GUCA1C: variants seen among roughly 807,000 people sequenced by gnomAD.
GUCA1C encodes the protein guanylyl cyclase-activating protein 3.
GUCA1C carries 15 observed loss-of-function variants against 16.2 expected under a neutral mutation model. That is an observed-to-expected ratio of 0.93 (90% CI 0.62 to 1.43). The LOEUF (loss-of-function observed/expected upper bound fraction) is 1.43, where lower values mean the gene tolerates loss of function less well. Ranked by LOEUF, GUCA1C falls within the 40% of genes most tolerant of loss-of-function variation. GUCA1C has a pLI of 0.00. For missense variants in GUCA1C, 275 were observed against 244.8 expected (o/e 1.12, Z -0.82); for synonymous variants, 78 against 85.4 (o/e 0.91, Z 0.48).
upstream of GUCA1C, among the ~76,000 whole-genome samples, chr3:108,954,878 A>G (rs541714539): frequency 1.3e-5 from 2 of 151,772 alleles, no homozygotes; most frequent in Admixed American, 1.3e-4. Context: ...CTGGGACTAC[A>G]GGCGCCCGCC....
chr3:108,949,616 T>G (rs1946877042), intron 1 of GUCA1C, among the ~76,000 whole-genome samples: 1 of 152,196 alleles, frequency 6.6e-6, no homozygotes, highest in Admixed American at 6.5e-5. Context: ...TCTGAGGTGC[T>G]AAGGCCATAG....
chr3:108,948,999 C>T (rs187095600), intron 1 of GUCA1C, among the ~76,000 whole-genome samples: 1 of 152,206 alleles, frequency 6.6e-6, no homozygotes, highest in Non-Finnish European at 1.5e-5. Context: ...AGGTGCCCAC[C>T]ACCACGCCCG....
intron 1 of GUCA1C, among the ~76,000 whole-genome samples, chr3:108,926,072 G>C (rs1358782929): frequency 6.6e-6 from 1 of 151,540 alleles, no homozygotes; most frequent in Admixed American, 6.6e-5. Flanking sequence ...GGGTGACAGA[G>C]CAAGACTCCA....
chr3:108,932,717 T>C (rs1184381459), intron 1 of GUCA1C, among the ~76,000 whole-genome samples: 2 of 148,662 alleles, frequency 1.3e-5, no homozygotes, highest in Non-Finnish European at 1.5e-5. Flanking sequence ...AAGTTGGGAG[T>C]TCAAGACAAG....
intron 1 of GUCA1C, among the ~76,000 whole-genome samples, chr3:108,920,910 T>C (rs72933191): frequency 0.011 from 1,654 of 152,254 alleles, 27 homozygotes; most frequent in African/African-American, 0.037. Flanking sequence ...GAATGGTACA[T>C]TTGTTACAGT....
At chr3:108,917,380 G>A (rs1382976006) in intron 2 of GUCA1C, among the ~76,000 whole-genome samples, 1 of 152,148 alleles carries the variant, frequency 6.6e-6, no homozygotes, top group East Asian at 1.9e-4. Flanking sequence ...GAAAGTGGAG[G>A]AGCACTGAGG....
At chr3:108,939,206 G>A (rs1160366777) in intron 1 of GUCA1C, among the ~76,000 whole-genome samples, 5 of 151,638 alleles carry the variant, frequency 3.3e-5, no homozygotes, top group Non-Finnish European at 7.4e-5. Flanking sequence ...TCCCTTTTAA[G>A]AGCCTGGATC....
chr3:108,907,814 A>G lies in GUCA1C; in HGVS notation c.*208T>C. ...TCCTTTAGTGTAATCATTATGTTTT[A>G]ATCTGCAGAGACAGCACAGAAAAGC... On this transcript the variant is annotated 3_prime_UTR_variant, in exon 4 of 4. Transcript: ENST00000261047. 1 of 519,164 alleles carries G rather than the reference A, an allele frequency of 1.9e-6. No homozygotes were observed. Among genetic ancestry groups the G allele is most frequent in the Non-Finnish European group, 3.4e-6 (1 of 294,584 alleles). The allele number at this position is 519,164 out of a possible 1,614,324, so 32.2% of individuals were successfully genotyped here. A position where few individuals can be genotyped will look rare whatever the true frequency, so the allele number is the denominator to read the frequency against.
chr3:108,924,583 T>G (rs2107290092), intron 1 of GUCA1C, among the ~76,000 whole-genome samples: 1 of 152,142 alleles, frequency 6.6e-6, no homozygotes, highest in Middle Eastern at 3.4e-3. Flanking sequence ...TTCATCAGGG[T>G]TATTGGTCTG....
intron 1 of GUCA1C, among the ~76,000 whole-genome samples, chr3:108,933,547 T>G (rs746303327): frequency 1.3e-5 from 2 of 152,142 alleles, no homozygotes; most frequent in Non-Finnish European, 2.9e-5. Flanking sequence ...GACTTCAAAT[T>G]TAAGGTTTCT....
At chr3:108,949,067 C>T (rs1321328319) in intron 1 of GUCA1C, among the ~76,000 whole-genome samples, 6 of 152,108 alleles carry the variant, frequency 3.9e-5, no homozygotes, top group Non-Finnish European at 8.8e-5. Flanking sequence ...AGGCCGGTCT[C>T]GAACTCCTGA....
At chr3:108,929,012 AC>A (rs1946645046) in intron 1 of GUCA1C, among the ~76,000 whole-genome samples, 1 of 152,180 alleles carries the variant, frequency 6.6e-6, no homozygotes, top group Non-Finnish European at 1.5e-5. Context: ...CATTGAATCT[AC>A]AGATCAACTT....
Position 108,920,441 on chromosome 3 carries a change from A to G in GUCA1C, c.349T>C (p.Phe117Leu). 3 of 1,607,446 alleles carry G rather than the reference A, an allele frequency of 1.9e-6. No homozygotes were observed. The highest frequency in any genetic ancestry group is 2.6e-6 in the Non-Finnish European group (3 of 1,174,324). ...TACTTTACTACTTCACTTACCATGA[A>G]CATGTCCAGTAGTTCATTTTTGTCA... Reference protein sequence around the residue: ...SIDKNELLDMFMAVQALNGQQ... With the variant: ...SIDKNELLDMLMAVQALNGQQ... Residue 117 changes from phenylalanine to leucine, a missense_variant, in exon 2 of 4, where the codon TTC becomes CTC. Coordinates refer to ENST00000261047, the MANE Select transcript of GUCA1C (RefSeq NM_005459.4).
intron 1 of GUCA1C, among the ~76,000 whole-genome samples, chr3:108,942,632 T>C (rs4855679): frequency 0.36 from 54,777 of 151,846 alleles, 10,595 homozygotes; most frequent in Non-Finnish European, 0.43. Context: ...CTTCACCATA[T>C]TACCAGGTTT....
intron 3 of GUCA1C, among the ~76,000 whole-genome samples, chr3:108,911,960 G>A (rs1428719954): frequency 4.0e-4 from 61 of 151,986 alleles, no homozygotes; most frequent in African/African-American, 1.3e-3. Context: ...ACAAAAATTA[G>A]CCGGGCGTAG....
intron 1 of GUCA1C, among the ~76,000 whole-genome samples, chr3:108,943,325 G>A (rs1946807240): frequency 1.3e-5 from 2 of 152,146 alleles, no homozygotes; most frequent in Non-Finnish European, 2.9e-5. Flanking sequence ...AGAAGCACCC[G>A]TGATTCACCT....
intron 2 of GUCA1C, among the ~76,000 whole-genome samples, chr3:108,918,071 C>T (rs1946535507): frequency 1.3e-5 from 2 of 152,168 alleles, no homozygotes; most frequent in Admixed American, 1.3e-4. Flanking sequence ...CTCTTAAAAT[C>T]CGCACAATTG....
At chr3:108,913,584 C>T (rs973503403) in intron 3 of GUCA1C, among the ~76,000 whole-genome samples, 1 of 152,048 alleles carries the variant, frequency 6.6e-6, no homozygotes, top group South Asian at 2.1e-4. Flanking sequence ...TTGTTAACAT[C>T]TTTTTCTTGA....
At chr3:108,942,024 T>C (rs1277941251) in intron 1 of GUCA1C, among the ~76,000 whole-genome samples, 1 of 152,158 alleles carries the variant, frequency 6.6e-6, no homozygotes, top group Non-Finnish European at 1.5e-5. Flanking sequence ...CCATTACAAT[T>C]CTCAACTCCT....
Sources: gnomAD v4.1 joint callset for allele counts (sites outside exome capture counted in the v4.1 genomes callset) on GRCh38, gnomAD v4.1.1 for gene constraint, MANE v1.5 for transcripts, NCBI Gene and HGNC (gene_info 2026-07-23, HGNC 2026-07-21) for gene names.